NR3C2: variants seen among roughly 807,000 people sequenced by gnomAD.
NR3C2 encodes the protein mineralocorticoid receptor.
A neutral mutation model predicts 86.4 loss-of-function variants in NR3C2; 15 were observed. That is an observed-to-expected ratio of 0.17 (90% CI 0.12 to 0.27). The LOEUF is 0.27. Among genes scored for constraint, NR3C2 ranks in the 10% least tolerant of loss-of-function variants. NR3C2 has a pLI of 1.00. For missense variants in NR3C2, 960 were observed against 1,195.6 expected, an observed-to-expected ratio of 0.80 and a Z score of 2.91; for synonymous variants, 458 against 450.5, an observed-to-expected ratio of 1.02 and a Z score of -0.21.
chr4:148,377,006 G>A (rs548410964), intron 2 of NR3C2, among the ~76,000 whole-genome samples: 1 of 152,138 alleles, frequency 6.6e-6, no homozygotes, highest in East Asian at 1.9e-4. Context: ...TATATCTGGG[G>A]TAACATATTT....
chr4:148,202,916 T>C (rs1039199643), intron 3 of NR3C2, among the ~76,000 whole-genome samples: 1 of 152,236 alleles, frequency 6.6e-6, no homozygotes, highest in Non-Finnish European at 1.5e-5. Context: ...AGGCATAGTT[T>C]AAACCCTCTT....
intron 4 of NR3C2, among the ~76,000 whole-genome samples, chr4:148,184,673 A>G (rs904830457): frequency 1.3e-5 from 2 of 152,164 alleles, no homozygotes; most frequent in African/African-American, 2.4e-5. Flanking sequence ...TTTTTAAAAA[A>G]ATCAACTGAT....
intron 2 of NR3C2, among the ~76,000 whole-genome samples, chr4:148,321,519 C>T (rs1743588263): frequency 6.6e-6 from 1 of 152,056 alleles, no homozygotes; most frequent in Non-Finnish European, 1.5e-5. Context: ...GTCTAAGTCT[C>T]TTTGTAGGTC....
At chr4:148,356,482 A>T (rs1745554429) in intron 2 of NR3C2, among the ~76,000 whole-genome samples, 2 of 152,208 alleles carry the variant, frequency 1.3e-5, no homozygotes, top group Admixed American at 1.3e-4. Context: ...TGCCATTCAT[A>T]AAGGTGTCAC....
At chr4:148,194,621 C>T (rs1272045733) in intron 4 of NR3C2, 125 bp downstream of exon 4, 3 of 682,712 alleles carry the variant, frequency 4.4e-6, no homozygotes, top group Non-Finnish European at 7.8e-6. Flanking sequence ...GAAAACAGAA[C>T]TCATCAGATT....
At chr4:148,236,000 C>T (rs1210032769) in intron 3 of NR3C2, among the ~76,000 whole-genome samples, 1 of 152,200 alleles carries the variant, frequency 6.6e-6, no homozygotes, top group East Asian at 1.9e-4. Flanking sequence ...CCAGCAGCAG[C>T]GGGCAGATGC....
chr4:148,098,930 A>G (rs1731415785), intron 8 of NR3C2, among the ~76,000 whole-genome samples: 1 of 152,110 alleles, frequency 6.6e-6, no homozygotes, highest in Admixed American at 6.5e-5. Flanking sequence ...TCCTTTTTGT[A>G]TCAAATTAGG....
intron 2 of NR3C2, among the ~76,000 whole-genome samples, chr4:148,394,446 G>T (rs72953910): frequency 0.11 from 16,028 of 151,366 alleles, 904 homozygotes; most frequent in Middle Eastern, 0.12. Context: ...TTGGGAGGCT[G>T]AGGCAGCAGG....
At chr4:148,416,942 A>AC (rs1553940761) in intron 2 of NR3C2, among the ~76,000 whole-genome samples, 5 of 151,738 alleles carry the variant, frequency 3.3e-5, no homozygotes, top group Non-Finnish European at 5.9e-5. Context: ...TGCCCAGCTA[A>AC]TTTTTTGTAT....
chr4:148,279,268 A>C (rs1048988934), intron 2 of NR3C2, among the ~76,000 whole-genome samples: 1 of 152,226 alleles, frequency 6.6e-6, no homozygotes, highest in Non-Finnish European at 1.5e-5. Flanking sequence ...GGCTTGTGAA[A>C]TAGGTAAATT....
chr4:148,171,377 C>G (rs1735116175), intron 4 of NR3C2, among the ~76,000 whole-genome samples: 2 of 152,358 alleles, frequency 1.3e-5, no homozygotes, highest in South Asian at 4.1e-4. Flanking sequence ...CCCCAGTTAT[C>G]TAGGCACACA....
intron 8 of NR3C2, among the ~76,000 whole-genome samples, chr4:148,105,122 C>T (rs1307419366): frequency 2.6e-5 from 4 of 152,136 alleles, no homozygotes; most frequent in African/African-American, 9.7e-5. Flanking sequence ...ACCAGGACCA[C>T]AGCGAGATGC....
intron 4 of NR3C2, among the ~76,000 whole-genome samples, chr4:148,187,616 C>T (rs996147183): frequency 1.3e-5 from 2 of 151,956 alleles, no homozygotes; most frequent in South Asian, 4.1e-4. Context: ...GTCAGATGTA[C>T]AGAAGATTTT....
intron 6 of NR3C2, among the ~76,000 whole-genome samples, chr4:148,127,724 G>A (rs930108490): frequency 2.0e-5 from 3 of 152,188 alleles, no homozygotes; most frequent in Non-Finnish European, 2.9e-5. Context: ...GCCAAAGTGG[G>A]TCTAGAGACC....
In NR3C2 at chr4:148,401,716, C is replaced by T. The variant is rs183680481; in HGVS notation, c.1757+33388G>A. ...TGACCTTGTGATTTGCTCATCTCTG[C>T]CTCCCAAAGTGCTGGGATTACAGGT... On this transcript the variant is annotated intron_variant, in intron 2 of 8. Coordinates refer to ENST00000358102, the MANE Select transcript of NR3C2 (RefSeq NM_000901.5). Among the ~76,000 whole-genome samples the T allele has an allele frequency of 5.3e-5, 8 of 152,174 alleles. No individual in the cohort carries two copies. In the East Asian group the frequency reaches 9.7e-4, roughly 18 times the overall value.
chr4:148,358,184 C>T (rs542792451), intron 2 of NR3C2, among the ~76,000 whole-genome samples: 9 of 152,022 alleles, frequency 5.9e-5, no homozygotes, highest in Admixed American at 2.6e-4. Context: ...ATGTTTATTG[C>T]GGCATTATTC....
At chr4:148,425,132 C>T (rs1749465362) in intron 2 of NR3C2, among the ~76,000 whole-genome samples, 1 of 152,162 alleles carries the variant, frequency 6.6e-6, no homozygotes, top group South Asian at 2.1e-4. Flanking sequence ...ATTAATATTA[C>T]ATAATCACCA....
intron 2 of NR3C2, among the ~76,000 whole-genome samples, chr4:148,429,257 CAG>C (rs1215579900): frequency 4.6e-5 from 7 of 152,262 alleles, no homozygotes; most frequent in African/African-American, 1.7e-4. Context: ...AGTTTCATAT[CAG>C]AGTTTTCATA....
chr4:148,305,580 C>T (rs992774849), intron 2 of NR3C2, among the ~76,000 whole-genome samples: 1 of 151,522 alleles, frequency 6.6e-6, no homozygotes, highest in Admixed American at 6.6e-5. Flanking sequence ...TGAAACTCCT[C>T]TGAAAACCTA....
Sources: allele counts gnomAD v4.1 joint callset (sites outside exome capture counted in the v4.1 genomes callset), GRCh38; gene constraint gnomAD v4.1.1; transcripts MANE v1.5; gene names NCBI Gene and HGNC (gene_info 2026-07-23, HGNC 2026-07-21).